Variants in UNC5D observed in about 807,000 individuals in gnomAD.
UNC5D encodes the protein netrin receptor UNC5D.
Under a neutral mutation model 105.4 loss-of-function variants are expected in UNC5D, and 39 were observed. The ratio of observed to expected loss-of-function variants is 0.37; its 90% confidence interval spans 0.29 to 0.48. The LOEUF is 0.48. UNC5D is among the 20% of genes least tolerant of loss of function. UNC5D has a pLI of 0.98. For synonymous variants in UNC5D, 452 were observed against 450.4 expected (o/e 1.00, Z -0.04); for missense variants, 991 against 1,202.4 (o/e 0.82, Z 2.60).
At chr8:35,455,670 A>G (rs1333558364) in intron 1 of UNC5D, among the ~76,000 whole-genome samples, 1 of 151,926 alleles carries the variant, frequency 6.6e-6, no homozygotes, top group African/African-American at 2.4e-5. Context: ...AATCTATTAA[A>G]AAAAAAAACA....
chr8:35,659,607 C>G (rs539886377), intron 4 of UNC5D, among the ~76,000 whole-genome samples: 1 of 152,310 alleles, frequency 6.6e-6, no homozygotes, highest in East Asian at 1.9e-4. Context: ...AGCACACATA[C>G]GTATGTGCGC....
intron 1 of UNC5D, among the ~76,000 whole-genome samples, chr8:35,514,356 G>T (rs1031871468): frequency 6.6e-6 from 1 of 152,158 alleles, no homozygotes; most frequent in Admixed American, 6.5e-5. Flanking sequence ...GCAAATGAGG[G>T]CTTTTGAGAG....
intron 1 of UNC5D, among the ~76,000 whole-genome samples, chr8:35,524,279 GAAGT>G (rs1356358742): frequency 2.2e-5 from 2 of 93,010 alleles, no homozygotes; most frequent in Non-Finnish European, 4.2e-5. Flanking sequence ...CTAGTACCAT[GAAGT>G]AAGACAGGCA....
At chr8:35,320,733 G>A (rs1157356187) in intron 1 of UNC5D, among the ~76,000 whole-genome samples, 1 of 152,094 alleles carries the variant, frequency 6.6e-6, no homozygotes, top group Non-Finnish European at 1.5e-5. Context: ...CATCCAAAGG[G>A]AGGAGGGTAT....
At chr8:35,527,389 A>T (rs1433914235) in intron 1 of UNC5D, among the ~76,000 whole-genome samples, 1 of 152,184 alleles carries the variant, frequency 6.6e-6, no homozygotes, top group East Asian at 1.9e-4. Context: ...AGAGAAACTT[A>T]TTGCTCAAAG....
chr8:35,761,642 A>T (rs928784758), intron 14 of UNC5D, among the ~76,000 whole-genome samples: 3 of 152,234 alleles, frequency 2.0e-5, no homozygotes, highest in African/African-American at 7.2e-5. Flanking sequence ...TCTCTGCATC[A>T]GGAGGCTTGC....
intron 1 of UNC5D, among the ~76,000 whole-genome samples, chr8:35,236,425 G>A (rs1267763653): frequency 6.6e-6 from 1 of 152,268 alleles, no homozygotes; most frequent in Admixed American, 6.5e-5. Context: ...TCCTTAGCCC[G>A]AGGTCCCAGC....
chr8:35,741,854 G>A (rs1189615378), intron 11 of UNC5D, among the ~76,000 whole-genome samples: 1 of 151,990 alleles, frequency 6.6e-6, no homozygotes, highest in African/African-American at 2.4e-5. Flanking sequence ...CAGGTTCCTG[G>A]GCCCTATCCC....
At chr8:35,618,752 G>C (rs893540091) in intron 4 of UNC5D, among the ~76,000 whole-genome samples, 7 of 152,168 alleles carry the variant, frequency 4.6e-5, no homozygotes, top group African/African-American at 1.7e-4. Context: ...TTGTCAGATG[G>C]TAAGAGTCTA....
chr8:35,368,665 T>C (rs1310414911), intron 1 of UNC5D, among the ~76,000 whole-genome samples: 1 of 151,920 alleles, frequency 6.6e-6, no homozygotes, highest in Non-Finnish European at 1.5e-5. Context: ...TTGCGTCTCT[T>C]TAAAATTCGT....
chr8:35,723,456 G>A (rs989511775), intron 9 of UNC5D, among the ~76,000 whole-genome samples: 1 of 152,204 alleles, frequency 6.6e-6, no homozygotes, highest in African/African-American at 2.4e-5. Context: ...TCAAGCTGGA[G>A]TGCAGTGGTG....
In UNC5D at chr8:35,650,313, G is replaced by C. The variant is rs140106198; in HGVS notation, c.571-33234G>C. Among the ~76,000 whole-genome samples the C allele has an allele frequency of 2.5e-3, 380 of 152,122 alleles. 2 individuals are homozygous for C. The highest frequency in any genetic ancestry group is 8.6e-3 in the African/African-American group (355 of 41,508). On this transcript the variant is annotated intron_variant, in intron 4 of 16. Transcript: ENST00000404895. ...CTCCTATTCTTATTTCTTCCTCTCT[G>C]AGGTCATATACTGTGGGTGTCAGGA... is the stretch of plus-strand genomic sequence containing the variant.
At chr8:35,671,497 G>A (rs1013466303) in intron 4 of UNC5D, among the ~76,000 whole-genome samples, 3 of 152,142 alleles carry the variant, frequency 2.0e-5, no homozygotes, top group Admixed American at 6.6e-5. Context: ...ACTTTTGTTT[G>A]GAGCAGGTAA....
chr8:35,533,310 G>C (rs1814549907), intron 1 of UNC5D, among the ~76,000 whole-genome samples: 1 of 152,112 alleles, frequency 6.6e-6, no homozygotes, highest in Non-Finnish European at 1.5e-5. Flanking sequence ...CCTGCCGTGT[G>C]AGGGGTCAGT....
At chr8:35,373,053 G>A (rs575421560) in intron 1 of UNC5D, among the ~76,000 whole-genome samples, 337 of 152,202 alleles carry the variant, frequency 2.2e-3, no homozygotes, top group African/African-American at 7.5e-3. Context: ...TTCCCCCTCC[G>A]TGGTCTGCCC....
chr8:35,554,673 T>C (rs1816406706), intron 2 of UNC5D, among the ~76,000 whole-genome samples: 1 of 152,166 alleles, frequency 6.6e-6, no homozygotes, highest in African/African-American at 2.4e-5. Flanking sequence ...GGAGCTGGAG[T>C]TATCAATAAG....
intron 4 of UNC5D, among the ~76,000 whole-genome samples, chr8:35,619,457 G>T (rs1211278650): frequency 6.6e-6 from 1 of 152,096 alleles, no homozygotes; most frequent in East Asian, 1.9e-4. Context: ...AAATAGTCAG[G>T]CATTGGATCA....
intron 1 of UNC5D, among the ~76,000 whole-genome samples, chr8:35,439,485 C>T (rs1025312885): frequency 2.6e-5 from 4 of 152,040 alleles, no homozygotes; most frequent in African/African-American, 9.7e-5. Flanking sequence ...TAAGTGGTAA[C>T]TACTTGGGCA....
chr8:35,440,257 G>T (rs1309844738), intron 1 of UNC5D, among the ~76,000 whole-genome samples: 3 of 151,914 alleles, frequency 2.0e-5, no homozygotes, highest in African/African-American at 7.2e-5. Context: ...CTGAGTGCAT[G>T]TTGATGGTCT....
Sources: gnomAD v4.1 joint callset for allele counts (sites outside exome capture counted in the v4.1 genomes callset) on GRCh38, gnomAD v4.1.1 for gene constraint, MANE v1.5 for transcripts, NCBI Gene and HGNC (gene_info 2026-07-23, HGNC 2026-07-21) for gene names.